SUMF1: variants seen among roughly 807,000 people sequenced by gnomAD.
SUMF1 encodes the protein formylglycine-generating enzyme.
Under a neutral mutation model 47.6 loss-of-function variants are expected in SUMF1, and 48 were observed. That is an observed-to-expected ratio of 1.01 (90% CI 0.80 to 1.28). SUMF1 has a LOEUF of 1.28. Among genes scored for constraint, SUMF1 ranks in the 50% most tolerant of loss-of-function variants. The pLI is 0.00. For missense variants in SUMF1, 571 were observed against 485.4 expected (o/e 1.18, Z -1.66); for synonymous variants, 230 against 192.1 (o/e 1.20, Z -1.63).
intron 9 of SUMF1, among the ~76,000 whole-genome samples, chr3:4,063,659 C>G (rs904517504): frequency 3.3e-5 from 5 of 152,110 alleles, no homozygotes; most frequent in African/African-American, 1.2e-4. Context: ...GGTTTGCAAA[C>G]TGATATCACC....
At chr3:4,324,268 A>G (rs1223479516) in intron 8 of SUMF1, among the ~76,000 whole-genome samples, 1 of 152,166 alleles carries the variant, frequency 6.6e-6, no homozygotes, top group African/African-American at 2.4e-5. Context: ...AGATGGCCTC[A>G]TTTGGTATCA....
At chr3:4,239,763 T>G (rs1696496538) in intron 8 of SUMF1, among the ~76,000 whole-genome samples, 1 of 152,182 alleles carries the variant, frequency 6.6e-6, no homozygotes. Context: ...ACCCTTTATT[T>G]CTTTCTCTTG....
intron 8 of SUMF1, among the ~76,000 whole-genome samples, chr3:4,277,636 T>C (rs181594444): frequency 3.2e-4 from 48 of 152,242 alleles, no homozygotes; most frequent in Admixed American, 2.3e-3. Flanking sequence ...TCTTTACATC[T>C]AGGAGGCTCA....
chr3:4,218,395 A>T (rs1404417581), intron 8 of SUMF1, among the ~76,000 whole-genome samples: 1 of 152,166 alleles, frequency 6.6e-6, no homozygotes, highest in East Asian at 1.9e-4. Flanking sequence ...TTTATTGAAG[A>T]CACCACAGGC....
intron 8 of SUMF1, among the ~76,000 whole-genome samples, chr3:4,162,957 G>T (rs1480996063): frequency 6.6e-6 from 1 of 151,854 alleles, no homozygotes; most frequent in Non-Finnish European, 1.5e-5. Flanking sequence ...AATGTGGAAT[G>T]CTTCACAGAA....
intron 8 of SUMF1, among the ~76,000 whole-genome samples, chr3:4,347,638 T>G (rs1053169363): frequency 1.3e-5 from 2 of 152,176 alleles, no homozygotes; most frequent in Non-Finnish European, 2.9e-5. Flanking sequence ...AAGGATGCCC[T>G]CTCTCACCAC....
chr3:4,076,051 G>A (rs1256044115), intron 8 of SUMF1, among the ~76,000 whole-genome samples: 1 of 152,028 alleles, frequency 6.6e-6, no homozygotes, highest in East Asian at 1.9e-4. Flanking sequence ...TAAGCAAAAA[G>A]AACAAAGCTG....
chr3:4,396,413 C>A (rs890872849), intron 7 of SUMF1, among the ~76,000 whole-genome samples: 2 of 152,172 alleles, frequency 1.3e-5, no homozygotes, highest in Non-Finnish European at 2.9e-5. Context: ...GCAAAATAAC[C>A]TGCAGAGACT....
intron 8 of SUMF1, among the ~76,000 whole-genome samples, chr3:4,305,603 T>G (rs1277179786): frequency 1.3e-5 from 2 of 152,194 alleles, no homozygotes; most frequent in Non-Finnish European, 2.9e-5. Flanking sequence ...TTTCAAGATA[T>G]GGCAAGGAAA....
At chr3:4,075,271 G>A (rs1211953162) in intron 8 of SUMF1, among the ~76,000 whole-genome samples, 2 of 151,912 alleles carry the variant, frequency 1.3e-5, no homozygotes, top group African/African-American at 2.4e-5. Context: ...ATACAAAAGA[G>A]GACTTGACAA....
chr3:4,448,572 T>A lies in SUMF1; in HGVS notation c.519+694A>T, dbSNP rs538568136. Among the ~76,000 whole-genome samples the A allele has an allele frequency of 3.9e-5, 6 of 152,274 alleles. No homozygotes were observed. In the East Asian group the frequency reaches 1.2e-3, roughly 29 times the overall value. On this transcript the variant is annotated intron_variant, in intron 3 of 8. Coordinates refer to ENST00000272902, the MANE Select transcript of SUMF1 (RefSeq NM_182760.4). ...CACTCCTTCCCTTGTTCTTATATTT[T>A]CAAGAGACATGTAAGCAAGCAAATA...
downstream of SUMF1, among the ~76,000 whole-genome samples, chr3:4,357,577 T>TTTTATTTATTTATTTATTTATTTA (rs58387595): frequency 7.2e-6 from 1 of 138,732 alleles, no homozygotes. Context: ...CCCAACCAAC[T>TTTTATTTATTTATTTATTTATTTA]TTTATTTATT....
At chr3:4,211,011 G>C (rs1198974296) in intron 8 of SUMF1, among the ~76,000 whole-genome samples, 1 of 150,110 alleles carries the variant, frequency 6.7e-6, no homozygotes, top group Non-Finnish European at 1.5e-5. Flanking sequence ...CTTCAGCTTT[G>C]GGACTCAGAC....
At chr3:4,384,374 T>A (rs1700602954) in intron 7 of SUMF1, among the ~76,000 whole-genome samples, 1 of 152,230 alleles carries the variant, frequency 6.6e-6, no homozygotes, top group Non-Finnish European at 1.5e-5. Flanking sequence ...AACTCTGTAC[T>A]GTATCTCAAC....
At chr3:4,187,722 G>A (rs1427217846) in intron 8 of SUMF1, among the ~76,000 whole-genome samples, 5 of 152,138 alleles carry the variant, frequency 3.3e-5, no homozygotes, top group Non-Finnish European at 5.9e-5. Context: ...GAGTGACTAT[G>A]TTTGCATATG....
intron 3 of SUMF1, among the ~76,000 whole-genome samples, chr3:4,448,269 T>G (rs180751825): frequency 8.5e-5 from 13 of 152,272 alleles, no homozygotes; most frequent in Admixed American, 7.8e-4. Context: ...AAAGCAAACA[T>G]AAGCCAGGAC....
chr3:4,466,852 G>T, intron 1 of SUMF1, 124 bp downstream of exon 1: 1 of 1,403,110 alleles, frequency 7.1e-7, no homozygotes, highest in Non-Finnish European at 9.6e-7. Flanking sequence ...GGAACAGCAG[G>T]TGCTCGATTT....
chr3:4,337,361 T>C (rs1041839159), intron 8 of SUMF1, among the ~76,000 whole-genome samples: 7 of 152,138 alleles, frequency 4.6e-5, no homozygotes, highest in South Asian at 2.1e-4. Flanking sequence ...TGCAGCCAGC[T>C]GCCCAGCCTC....
Position 4,311,629 on chromosome 3 carries a change from A to G in SUMF1, c.1014+64701T>C, listed in dbSNP as rs1698408736. ...ACAGGCAGGGCAAGCTATGTATCTAATCATATATCCTTCTCTGAATTGGCA... is the reference window on the plus strand; with the variant it reads ...ACAGGCAGGGCAAGCTATGTATCTAGTCATATATCCTTCTCTGAATTGGCA... On this transcript the variant is annotated intron_variant and NMD_transcript_variant, in intron 8 of 12. Coordinates refer to the SUMF1 transcript ENST00000448413. Among the ~76,000 whole-genome samples the G allele has an allele frequency of 3.3e-5, 5 of 152,320 alleles. No homozygotes were observed. In the South Asian group the frequency reaches 1.0e-3, roughly 32 times the overall value.
Sources: allele counts gnomAD v4.1 joint callset (sites outside exome capture counted in the v4.1 genomes callset), GRCh38; gene constraint gnomAD v4.1.1; transcripts MANE v1.5; gene names NCBI Gene and HGNC (gene_info 2026-07-23, HGNC 2026-07-21).